COL4A2: variants seen among roughly 807,000 people sequenced by gnomAD.
COL4A2 encodes the protein collagen type IV alpha 2 chain.
COL4A2 carries 99 observed loss-of-function variants against 200.2 expected under a neutral mutation model. The observed-to-expected ratio is 0.49, with a 90% CI of 0.42 to 0.58. The LOEUF (loss-of-function observed/expected upper bound fraction) is 0.58, where lower values mean the gene tolerates loss of function less well. Among genes scored for constraint, COL4A2 ranks in the 20% least tolerant of loss-of-function variants. The probability of loss-of-function intolerance (pLI) is 0.00; values close to 1 mark genes in which losing one functional copy is unlikely to be tolerated. For missense variants in COL4A2, 1,950 were observed against 2,314.1 expected, an observed-to-expected ratio of 0.84 and a Z score of 3.23; for synonymous variants, 897 against 900.6, an observed-to-expected ratio of 1.00 and a Z score of 0.07.
chr13:110,476,512 C>T (rs764149145), intron 29 of COL4A2, among the ~76,000 whole-genome samples: 2 of 152,226 alleles, frequency 1.3e-5, no homozygotes, highest in African/African-American at 2.4e-5. Flanking sequence ...GCCTGACTCT[C>T]GGTTCTGGGT....
At chr13:110,358,765 A>C (rs1393796612) in intron 4 of COL4A2, among the ~76,000 whole-genome samples, 3 of 152,210 alleles carry the variant, frequency 2.0e-5, no homozygotes. Context: ...TGAGTAAGTC[A>C]TTGCATACTT....
chr13:110,388,046 T>C (rs80178634), intron 4 of COL4A2, among the ~76,000 whole-genome samples: 2,871 of 152,206 alleles, frequency 0.019, 76 homozygotes, highest in African/African-American at 0.066. Context: ...TAAATGATGA[T>C]TATGTTAAGA....
chr13:110,371,611 T>A (rs925597608), intron 4 of COL4A2, among the ~76,000 whole-genome samples: 5 of 152,220 alleles, frequency 3.3e-5, no homozygotes, highest in Admixed American at 6.5e-5. Flanking sequence ...AAATTTATCA[T>A]GTTTTTATAT....
chr13:110,367,460 C>G (rs1594172893), intron 4 of COL4A2, among the ~76,000 whole-genome samples: 1 of 152,202 alleles, frequency 6.6e-6, no homozygotes, highest in South Asian at 2.1e-4. Context: ...TGGTCTCTCT[C>G]TAATGAAGAT....
chr13:110,455,271 C>T (rs1881682589), intron 20 of COL4A2, among the ~76,000 whole-genome samples: 2 of 152,296 alleles, frequency 1.3e-5, no homozygotes, highest in Non-Finnish European at 2.9e-5. Context: ...CAAATCTGCC[C>T]TTCACTCACC....
intron 4 of COL4A2, among the ~76,000 whole-genome samples, chr13:110,370,147 C>G (rs1049698913): frequency 1.3e-5 from 2 of 151,568 alleles, no homozygotes; most frequent in Non-Finnish European, 2.9e-5. Context: ...TCACATCACT[C>G]TCTTTTACCA....
In COL4A2 at chr13:110,424,854, C is replaced by T; in HGVS notation, c.301C>T (p.Pro101Ser). 1 of 1,614,096 alleles carries T rather than the reference C, an allele frequency of 6.2e-7. No individual in the cohort carries two copies. The change falls in exon 5 of 48, where the codon CCC becomes TCC. Residue 101 changes from proline (P) to serine (S), a missense_variant. Pro to Ser is a moderately conservative substitution (Grantham distance 74). This residue lies in a region of COL4A2 where 565 missense variants were observed against 593.5 expected (regional missense o/e 0.95). Coordinates refer to ENST00000360467, the MANE Select transcript of COL4A2 (RefSeq NM_001846.4). ...AAGGGGAGCCCCCGGAGTAACGGGA[C>T]CCAAGGGCGACGTGGTACGCACCGC... Reference protein sequence around the residue: ...GERGAPGVTGPKGDVGARGVS... With the variant: ...GERGAPGVTGSKGDVGARGVS...
At chr13:110,373,711 C>T (rs1309571331) in intron 4 of COL4A2, among the ~76,000 whole-genome samples, 1 of 152,224 alleles carries the variant, frequency 6.6e-6, no homozygotes, top group Non-Finnish European at 1.5e-5. Flanking sequence ...AAATCCAGGG[C>T]ATCCCTAAAA....
intron 4 of COL4A2, among the ~76,000 whole-genome samples, chr13:110,360,652 T>A (rs1877472176): frequency 6.6e-6 from 1 of 152,256 alleles, no homozygotes; most frequent in African/African-American, 2.4e-5. Context: ...TTAATCTGAT[T>A]AACTTGAGTA....
At chr13:110,418,436 A>G (rs549724446) in intron 4 of COL4A2, among the ~76,000 whole-genome samples, 4 of 152,362 alleles carry the variant, frequency 2.6e-5, no homozygotes, top group South Asian at 2.1e-4. Flanking sequence ...GCCTAATCCA[A>G]AGTCACAAAG....
chr13:110,484,167 AGG>A (rs1883031589), intron 32 of COL4A2, among the ~76,000 whole-genome samples: 1 of 151,902 alleles, frequency 6.6e-6, no homozygotes, highest in East Asian at 1.9e-4. Context: ...GAGCCTCCTT[AGG>A]GTGAAGTTAA....
At chr13:110,434,769 A>T (rs1373083003) in intron 12 of COL4A2, among the ~76,000 whole-genome samples, 6 of 152,170 alleles carry the variant, frequency 3.9e-5, no homozygotes, top group African/African-American at 1.4e-4. Context: ...CCCAGAGGTG[A>T]TGGAGGGGAC....
chr13:110,317,171 T>C (rs61964289), intron 3 of COL4A2, among the ~76,000 whole-genome samples: 28,010 of 139,108 alleles, frequency 0.2, 3,171 homozygotes, highest in East Asian at 0.53. Flanking sequence ...CACACACACA[T>C]GCACATAGAC....
At position 110,458,942 on chromosome 13, in the gene COL4A2, G is replaced by C. The variant is rs147871111; in HGVS notation, c.1596+8G>C. The C allele has an allele frequency of 1.9e-4, 287 of 1,541,022 alleles. 1 individual carries two copies. The East Asian group carries it at 6.5e-3, about 35-fold the overall frequency. On this transcript the variant is annotated splice_region_variant and intron_variant, in intron 22 of 47. Coordinates refer to ENST00000360467, the MANE Select transcript of COL4A2 (RefSeq NM_001846.4). The stretch of plus-strand genomic sequence containing the variant: ...GGGTTCCCAGGGCTCAAGGTGAGGA[G>C]CAATTTCATCATGAAGCTGGCAAGA...
intron 4 of COL4A2, among the ~76,000 whole-genome samples, chr13:110,408,400 TC>T (rs1879657049): frequency 6.6e-6 from 1 of 152,196 alleles, no homozygotes; most frequent in South Asian, 2.1e-4. Flanking sequence ...AAAAATTTCC[TC>T]CATGACCATG....
At chr13:110,490,707 G>C (rs369742401) in intron 36 of COL4A2, among the ~76,000 whole-genome samples, 1 of 152,164 alleles carries the variant, frequency 6.6e-6, no homozygotes, top group Non-Finnish European at 1.5e-5. Context: ...CCATTAGTCC[G>C]GCCATTTGGT....
At chr13:110,387,759 T>G (rs901030442) in intron 4 of COL4A2, among the ~76,000 whole-genome samples, 7 of 152,180 alleles carry the variant, frequency 4.6e-5, no homozygotes, top group Non-Finnish European at 8.8e-5. Flanking sequence ...GTTTCCTCTT[T>G]TAAGGCGATT....
In COL4A2 at chr13:110,508,223, T is replaced by C; in HGVS notation, c.4881+2T>C. 6.2e-7 allele frequency: 1 copy of C among 1,613,202 alleles called. No homozygotes were observed. Among genetic ancestry groups the C allele is most frequent in the Non-Finnish European group, 8.5e-7 (1 of 1,179,240 alleles). ...TGGATCGGATATTCCTTCCTCATGGTATGTGGTATTTGCCCAGTTCCCCTC... is the reference window on the plus strand; with the variant it reads ...TGGATCGGATATTCCTTCCTCATGGCATGTGGTATTTGCCCAGTTCCCCTC... On this transcript the variant is annotated splice_donor_variant, in intron 47 of 47. Coordinates refer to ENST00000360467, the MANE Select transcript of COL4A2 (RefSeq NM_001846.4). LOFTEE classifies it high-confidence loss of function. The surrounding 1 kb of genome is among the most constrained non-coding windows in gnomAD (Gnocchi z 6.1).
chr13:110,333,838 C>T (rs1389684390), intron 3 of COL4A2, among the ~76,000 whole-genome samples: 2 of 152,198 alleles, frequency 1.3e-5, no homozygotes, highest in Non-Finnish European at 2.9e-5. Context: ...GTGATAAGTT[C>T]TTATCACGAT....
Sources: allele counts gnomAD v4.1 joint callset (sites outside exome capture counted in the v4.1 genomes callset), GRCh38; gene constraint gnomAD v4.1.1; regional missense constraint gnomAD v4.1.1; non-coding constraint Gnocchi (gnomAD v3.1); transcripts MANE v1.5; gene names NCBI Gene and HGNC (gene_info 2026-07-23, HGNC 2026-07-21).